OTUD7B: variants seen among roughly 807,000 people sequenced by gnomAD.
The protein encoded by OTUD7B is OTU deubiquitinase 7B, also known as OTU domain-containing protein 7B.
OTUD7B carries 34 observed loss-of-function variants against 82.2 expected under a neutral mutation model. The ratio of observed to expected loss-of-function variants is 0.41; its 90% CI spans 0.31 to 0.55. The LOEUF (loss-of-function observed/expected upper bound fraction) is 0.55. Ranked by LOEUF, OTUD7B falls within the 20% of genes least tolerant of loss-of-function variation. The pLI is 0.20. For synonymous variants in OTUD7B, 398 were observed against 402.7 expected, an observed-to-expected ratio of 0.99 and a Z score of 0.14; for missense variants, 944 against 1,062.1, an observed-to-expected ratio of 0.89 and a Z score of 1.55.
rs1166098299 is a variant in OTUD7B, at chr1:149,992,467, G to GTTTTTTTTTTT, written c.-66-14902_-66-14892dup. Among the ~76,000 whole-genome samples, 10 of 61,570 alleles carry GTTTTTTTTTTT rather than the reference G, an allele frequency of 1.6e-4. 3 individuals are homozygous for GTTTTTTTTTTT. The highest frequency in any genetic ancestry group is 2.0e-4 in the Non-Finnish European group (7 of 35,894). 40.4% of individuals were successfully genotyped at this position (61,570 alleles called of 152,430 possible). ...TATCTAAATTGTTTTGTGTGCATGT[G>GTTTTTTTTTTT]TTTTTTTTTTTTTTTTTTTTTTTTT... On this transcript the variant is annotated intron_variant, in intron 1 of 11. Coordinates refer to ENST00000581312, the MANE Select transcript of OTUD7B (RefSeq NM_020205.4).
chr1:149,952,460 T>G (rs1421185862), intron 7 of OTUD7B, among the ~76,000 whole-genome samples: 1 of 152,162 alleles, frequency 6.6e-6, no homozygotes, highest in African/African-American at 2.4e-5. Flanking sequence ...TGTTGGACAT[T>G]TGGGTTGGTT....
At chr1:149,971,040 A>C in intron 3 of OTUD7B, 23 bp downstream of exon 3, 1 of 1,535,386 alleles carries the variant, frequency 6.5e-7, no homozygotes, top group South Asian at 1.2e-5. Flanking sequence ...CCATATACGG[A>C]AACATTCCAG....
At chr1:149,949,364 T>C (rs1648009552) in intron 9 of OTUD7B, among the ~76,000 whole-genome samples, 1 of 152,180 alleles carries the variant, frequency 6.6e-6, no homozygotes, top group African/African-American at 2.4e-5. Flanking sequence ...AGTCATAATT[T>C]AAGACAAATT....
chr1:149,967,227 C>G, intron 4 of OTUD7B, 67 bp downstream of exon 4: 2 of 1,134,744 alleles, frequency 1.8e-6, no homozygotes, highest in African/African-American at 1.5e-5. Context: ...CAAGTCCAGC[C>G]CCTCCACAAG....
chr1:149,968,120 C>T (rs896813830), intron 3 of OTUD7B, among the ~76,000 whole-genome samples: 4 of 151,772 alleles, frequency 2.6e-5, no homozygotes, highest in Non-Finnish European at 4.4e-5. Flanking sequence ...AAAAATTAGC[C>T]GGGCATGGTG....
the OTUD7B span, among the ~76,000 whole-genome samples, chr1:150,017,232 G>A: frequency 2.0e-5 from 3 of 152,168 alleles, no homozygotes; most frequent in South Asian, 4.1e-4. Flanking sequence ...GAAAATCCCT[G>A]CCTCCAGGCC....
At chr1:150,016,447 TTTTTC>T in the OTUD7B span, among the ~76,000 whole-genome samples, 20 of 4,532 alleles carry the variant, frequency 4.4e-3, no homozygotes, top group Admixed American at 7.7e-3. Context: ...TTCTCTTTTC[TTTTTC>T]TTTTTTTTTT....
chr1:150,012,523 C>G (rs1449022313), upstream of OTUD7B, among the ~76,000 whole-genome samples: 1 of 152,144 alleles, frequency 6.6e-6, no homozygotes, highest in Non-Finnish European at 1.5e-5. Context: ...TGTCCAGAAC[C>G]AGGTTATACC....
chr1:149,992,904 A>G (rs1294592417), intron 1 of OTUD7B, among the ~76,000 whole-genome samples: 3 of 151,830 alleles, frequency 2.0e-5, no homozygotes, highest in Non-Finnish European at 2.9e-5. Flanking sequence ...TAATCCCAAC[A>G]CTCTGGGAGG....
At chr1:149,973,301 G>A (rs587766951) in intron 2 of OTUD7B, among the ~76,000 whole-genome samples, 50 of 152,274 alleles carry the variant, frequency 3.3e-4, no homozygotes, top group African/African-American at 1.1e-3. Flanking sequence ...GTGTGTGCTC[G>A]TGGTCCTAGC....
intron 1 of OTUD7B, among the ~76,000 whole-genome samples, chr1:150,000,605 T>C (rs1652216345): frequency 6.6e-6 from 1 of 152,092 alleles, no homozygotes; most frequent in African/African-American, 2.4e-5. Flanking sequence ...AAAGCAATGT[T>C]GAGAAAAAAA....
chr1:149,946,558 G>A (rs887682970), intron 11 of OTUD7B, among the ~76,000 whole-genome samples: 7 of 149,696 alleles, frequency 4.7e-5, no homozygotes, highest in Non-Finnish European at 7.4e-5. Context: ...CCTGGCCAAC[G>A]TGGTGAAACT....
the OTUD7B span, among the ~76,000 whole-genome samples, chr1:150,038,083 T>G: frequency 6.6e-6 from 1 of 151,350 alleles, no homozygotes; most frequent in African/African-American, 2.4e-5. Context: ...GGTCTCAAAC[T>G]CCTGTGCTCA....
Position 149,942,288 on chromosome 1 carries a change from T to C in OTUD7B, c.*1569A>G, listed in dbSNP as rs587669200. On this transcript the variant is annotated 3_prime_UTR_variant, in exon 12 of 12. Coordinates refer to ENST00000581312, the MANE Select transcript of OTUD7B (RefSeq NM_020205.4). ...TTCTTCACATGCACCCGGGAGTGTA[T>C]ACAATTGCATAGTTGACTTTTTTTC... The C allele has an allele frequency of 2.0e-5, 3 of 152,714 alleles. No homozygotes were observed. Among genetic ancestry groups the C allele is most frequent in the South Asian group, 2.1e-4 (1 of 4,822 alleles). The allele number at this position is 152,714 out of a possible 1,614,324, so 9.5% of individuals were successfully genotyped here.
intron 7 of OTUD7B, among the ~76,000 whole-genome samples, chr1:149,952,429 T>G (rs1553773694): frequency 6.6e-6 from 1 of 152,208 alleles, no homozygotes; most frequent in Non-Finnish European, 1.5e-5. Flanking sequence ...TGTGCCACAT[T>G]TTCTTAATCC....
the OTUD7B span, among the ~76,000 whole-genome samples, chr1:150,061,395 T>C: frequency 6.6e-6 from 1 of 152,252 alleles, no homozygotes; most frequent in South Asian, 2.1e-4. Context: ...CTGCTAAATA[T>C]GAATATAGTA....
chr1:149,960,349 A>G (rs1451254392), intron 6 of OTUD7B, among the ~76,000 whole-genome samples: 1 of 143,958 alleles, frequency 6.9e-6, no homozygotes, highest in African/African-American at 2.6e-5. Context: ...ATCTATCTCC[A>G]GCCCAGATTT....
At chr1:150,006,698 T>C (rs587717580) in intron 1 of OTUD7B, among the ~76,000 whole-genome samples, 111 of 152,304 alleles carry the variant, frequency 7.3e-4, no homozygotes, top group Non-Finnish European at 1.4e-3. Context: ...CATAATGCTG[T>C]CCTTACTATA....
intron 7 of OTUD7B, among the ~76,000 whole-genome samples, chr1:149,953,811 T>C (rs1309455372): frequency 1.3e-5 from 2 of 152,196 alleles, no homozygotes; most frequent in East Asian, 1.9e-4. Flanking sequence ...TTTGAAGCAA[T>C]TGTGAATGGG....
Sources: allele counts gnomAD v4.1 joint callset (sites outside exome capture counted in the v4.1 genomes callset), GRCh38; gene constraint gnomAD v4.1.1; transcripts MANE v1.5; gene names NCBI Gene and HGNC (gene_info 2026-07-23, HGNC 2026-07-21).